Variants in NLGN4Y observed in about 807,000 individuals in gnomAD.
NLGN4Y encodes neuroligin-4, Y-linked.
In NLGN4Y, 4 loss-of-function variants were observed where a neutral mutation model predicts 8.4. The observed-to-expected ratio is 0.48, with a 90% CI of 0.23 to 1.09. NLGN4Y has a LOEUF of 1.09. NLGN4Y is among the 50% of genes least tolerant of loss of function. The pLI, the probability that NLGN4Y is intolerant of heterozygous loss-of-function variation, is 0.19. For missense variants in NLGN4Y, 90 were observed against 192.3 expected, an observed-to-expected ratio of 0.47 and a Z score of 3.15; for synonymous variants, 35 against 75.6, an observed-to-expected ratio of 0.46 and a Z score of 2.78.
chrY:14,639,544 G>T, intron 2 of NLGN4Y: 1 of 249,525 alleles, frequency 4.0e-6, no homozygotes, highest in South Asian at 3.3e-5. Flanking sequence ...ATTCCCATTG[G>T]ATTTATCCCA....
At chrY:14,770,416 T>G in intron 4 of NLGN4Y, among the ~76,000 whole-genome samples, 1 of 32,956 alleles carries the variant, frequency 3.0e-5, no homozygotes, top group African/African-American at 1.2e-4. Flanking sequence ...AAACAGGGAC[T>G]GGAGTGGACC....
chrY:14,749,660 G>C, intron 4 of NLGN4Y, among the ~76,000 whole-genome samples: 1 of 33,322 alleles, frequency 3.0e-5, no homozygotes. Flanking sequence ...AGTCTGTTTA[G>C]TGTAATGTTC....
chrY:14,657,703 G>T (rs2080659103), intron 2 of NLGN4Y, among the ~76,000 whole-genome samples: 1 of 14,439 alleles, frequency 6.9e-5, no homozygotes. Flanking sequence ...TTAAGAAATG[G>T]GGACCTGCTA....
chrY:14,535,157 C>G (rs916101787), intron 1 of NLGN4Y, among the ~76,000 whole-genome samples: 12 of 33,244 alleles, frequency 3.6e-4, no homozygotes, highest in African/African-American at 1.4e-3. Flanking sequence ...TGAAGAAGCC[C>G]TAACATGCAT....
intron 6 of NLGN4Y, among the ~76,000 whole-genome samples, chrY:14,836,928 C>T (rs1603504536): frequency 8.8e-5 from 3 of 33,943 alleles, no homozygotes; most frequent in East Asian, 7.8e-4. Flanking sequence ...ATCAGATCAA[C>T]ATGTATTTTC....
intron 2 of NLGN4Y, among the ~76,000 whole-genome samples, chrY:14,704,136 T>C: frequency 3.0e-5 from 1 of 33,242 alleles, no homozygotes; most frequent in Non-Finnish European, 7.4e-5. Context: ...CTTTTCCTAA[T>C]TGAATACCAT....
chrY:14,681,248 G>A (rs2080769141), intron 2 of NLGN4Y, among the ~76,000 whole-genome samples: 1 of 33,470 alleles, frequency 3.0e-5, no homozygotes. Flanking sequence ...GAGGCCTCAG[G>A]AAACTTACAA....
chrY:14,580,146 C>T (rs2080311089), intron 1 of NLGN4Y, among the ~76,000 whole-genome samples: 1 of 21,613 alleles, frequency 4.6e-5, no homozygotes, highest in Non-Finnish European at 1.0e-4. Context: ...AAGCAGAGAT[C>T]GCGCCACTGC....
At chrY:14,823,040 C>G (rs2043128648) in intron 4 of NLGN4Y, among the ~76,000 whole-genome samples, 1 of 33,263 alleles carries the variant, frequency 3.0e-5, no homozygotes, top group Admixed American at 2.8e-4. Flanking sequence ...AATCTTATGA[C>G]TTTCTTTGAA....
chrY:14,801,562 AAG>A (rs767235011), intron 4 of NLGN4Y, among the ~76,000 whole-genome samples: 1 of 29,751 alleles, frequency 3.4e-5, no homozygotes, highest in Non-Finnish European at 8.1e-5. Context: ...AAAAAAAAAA[AAG>A]AGAGAGAGAG....
intron 4 of NLGN4Y, among the ~76,000 whole-genome samples, chrY:14,733,162 C>T: frequency 3.0e-5 from 1 of 33,696 alleles, no homozygotes; most frequent in Non-Finnish European, 7.3e-5. Flanking sequence ...TTTCCTGCCT[C>T]ACCATTCATC....
intron 4 of NLGN4Y, among the ~76,000 whole-genome samples, chrY:14,820,146 C>G (rs2043117478): frequency 3.0e-5 from 1 of 32,998 alleles, no homozygotes; most frequent in Admixed American, 2.8e-4. Context: ...TAAGGAGGAC[C>G]AATAAATGTC....
intron 2 of NLGN4Y, among the ~76,000 whole-genome samples, chrY:14,670,723 C>G: frequency 3.0e-5 from 1 of 33,334 alleles, no homozygotes; most frequent in African/African-American, 1.2e-4. Context: ...ACTTAGAATA[C>G]TAAAACTATC....
At chrY:14,554,206 T>A in intron 1 of NLGN4Y, among the ~76,000 whole-genome samples, 2 of 19,213 alleles carry the variant, frequency 1.0e-4, no homozygotes, top group Non-Finnish European at 2.3e-4. Flanking sequence ...TCTATTTTTT[T>A]TTTTTTTTTT....
chrY:14,813,594 C>T, intron 4 of NLGN4Y, among the ~76,000 whole-genome samples: 2 of 33,349 alleles, frequency 6.0e-5, no homozygotes, highest in African/African-American at 1.2e-4. Context: ...AATCAATTGT[C>T]GCAAATAAAA....
chrY:14,540,326 A>G (rs1042181123), intron 1 of NLGN4Y, among the ~76,000 whole-genome samples: 3 of 32,703 alleles, frequency 9.2e-5, no homozygotes, highest in Non-Finnish European at 2.3e-4. Flanking sequence ...CAGCTCAGTC[A>G]GGCACATATA....
rs2080834652 is a variant in NLGN4Y, at chrY:14,697,592, G to GAT, written c.473-21866_473-21865insTA. ...ATATAGATGATGGGTATATAGATGA[G>GAT]AGAGATAGATAGATAGATAGATAGA... On this transcript the variant is annotated intron_variant, in intron 2 of 6. Transcript: ENST00000684976. Among the ~76,000 whole-genome samples the GAT allele has an allele frequency of 1.5e-3, 21 of 13,869 alleles. No individual in the cohort carries two copies. The East Asian group carries it at 0.049, about 32-fold the overall frequency. 37.2% of individuals were successfully genotyped at this position (13,869 alleles called of 37,273 possible).
chrY:14,807,690 A>T, intron 4 of NLGN4Y, among the ~76,000 whole-genome samples: 2 of 33,667 alleles, frequency 5.9e-5, no homozygotes, highest in Non-Finnish European at 1.5e-4. Flanking sequence ...TGTATGTAAA[A>T]GCTATGGTAT....
chrY:14,818,299 G>A (rs956718747), intron 4 of NLGN4Y, among the ~76,000 whole-genome samples: 1 of 33,037 alleles, frequency 3.0e-5, no homozygotes, highest in Non-Finnish European at 7.4e-5. Flanking sequence ...GGACTTTGAG[G>A]CATAACAAGA....
Sources: allele counts gnomAD v4.1 joint callset (sites outside exome capture counted in the v4.1 genomes callset), GRCh38; gene constraint gnomAD v4.1.1; transcripts MANE v1.5; gene names NCBI Gene and HGNC (gene_info 2026-07-23, HGNC 2026-07-21).